The following BCAT1 variants were observed in gnomAD, a reference collection of about 807,000 sequenced individuals.
BCAT1 encodes the protein branched-chain-amino-acid aminotransferase, cytosolic.
In BCAT1, 48 loss-of-function variants were observed where a neutral mutation model predicts 52.4. The observed-to-expected ratio is 0.92, with a 90% confidence interval of 0.73 to 1.16. BCAT1 has a LOEUF of 1.16. BCAT1 is among the 50% of genes most tolerant of loss of function. BCAT1 has a pLI of 0.00. For synonymous variants in BCAT1, 167 were observed against 161.3 expected, an observed-to-expected ratio of 1.04 and a Z score of -0.27; for missense variants, 451 against 457.1, an observed-to-expected ratio of 0.99 and a Z score of 0.12.
At chr12:24,841,715 C>T (rs1941178998) in intron 7 of BCAT1, among the ~76,000 whole-genome samples, 1 of 151,938 alleles carries the variant, frequency 6.6e-6, no homozygotes, top group Non-Finnish European at 1.5e-5. Flanking sequence ...CCAGCCTGAC[C>T]AACATGGTGA....
At chr12:24,863,557 G>A (rs1026389435) in intron 5 of BCAT1, among the ~76,000 whole-genome samples, 3 of 152,212 alleles carry the variant, frequency 2.0e-5, no homozygotes, top group Non-Finnish European at 2.9e-5. Flanking sequence ...ATGGATTTTA[G>A]AATGAATTAT....
At chr12:24,855,774 T>G (rs968330499) in intron 5 of BCAT1, among the ~76,000 whole-genome samples, 1 of 151,896 alleles carries the variant, frequency 6.6e-6, no homozygotes, top group Non-Finnish European at 1.5e-5. Flanking sequence ...CCATCTTTAT[T>G]TTTTTTCTTT....
chr12:24,902,177 C>T, intron 1 of BCAT1: 1 of 1,431,064 alleles, frequency 7.0e-7, no homozygotes. Flanking sequence ...CAGGGTTCGC[C>T]GGCAAAGAAC....
chr12:24,826,754 C>A (rs984136235), intron 10 of BCAT1, among the ~76,000 whole-genome samples: 1 of 152,132 alleles, frequency 6.6e-6, no homozygotes, highest in African/African-American at 2.4e-5. Context: ...AAAATTAATT[C>A]TTCCAATCCA....
At chr12:24,886,935 T>C (rs901423234) in intron 3 of BCAT1, among the ~76,000 whole-genome samples, 1 of 149,394 alleles carries the variant, frequency 6.7e-6, no homozygotes, top group African/African-American at 2.5e-5. Flanking sequence ...TAGTGGCACG[T>C]GCCTGTAATC....
intron 1 of BCAT1, among the ~76,000 whole-genome samples, chr12:24,934,911 G>A (rs1180353268): frequency 6.6e-6 from 1 of 152,182 alleles, no homozygotes; most frequent in Non-Finnish European, 1.5e-5. Flanking sequence ...GATACCAGCT[G>A]CTCTGGTTCT....
chr12:24,851,090 GT>G (rs1941497733), intron 5 of BCAT1, among the ~76,000 whole-genome samples: 2 of 152,080 alleles, frequency 1.3e-5, no homozygotes, highest in South Asian at 2.1e-4. Context: ...GAGACCCAAC[GT>G]TTTGAAGGCT....
chr12:24,898,520 C>CAACACTTTTTTTTTT (rs1943012294), intron 2 of BCAT1, among the ~76,000 whole-genome samples: 1 of 38,536 alleles, frequency 2.6e-5, no homozygotes, highest in Non-Finnish European at 4.4e-5. Flanking sequence ...TCAGTCAACA[C>CAACACTTTTTTTTTT]TTTTTTTTTT....
chr12:24,844,274 C>T (rs1941265083), intron 6 of BCAT1, among the ~76,000 whole-genome samples: 1 of 151,450 alleles, frequency 6.6e-6, no homozygotes, highest in Admixed American at 6.6e-5. Flanking sequence ...CTAAAAATAA[C>T]AAAAAAATTA....
At chr12:24,907,662 C>T (rs974337640) in intron 1 of BCAT1, among the ~76,000 whole-genome samples, 2 of 152,202 alleles carry the variant, frequency 1.3e-5, no homozygotes, top group Non-Finnish European at 2.9e-5. Context: ...ATACACCCTC[C>T]CCACCCTTGA....
At chr12:24,903,250 G>T in intron 1 of BCAT1, 2 of 620,726 alleles carry the variant, frequency 3.2e-6, no homozygotes, top group Non-Finnish European at 4.6e-6. Flanking sequence ...CACCGGGGTC[G>T]CTTGCGGAGG....
chr12:24,901,677 T>G, intron 2 of BCAT1, 137 bp downstream of exon 2: 1 of 868,354 alleles, frequency 1.2e-6, no homozygotes, highest in East Asian at 2.7e-5. Flanking sequence ...CCTCTAAGAG[T>G]GGAATTTTAA....
intron 8 of BCAT1, chr12:24,834,286 C>G (rs1940827718): frequency 8.1e-6 from 8 of 985,162 alleles, no homozygotes; most frequent in Non-Finnish European, 9.6e-6. Context: ...AGTGACAATT[C>G]TCTTCCTTCT....
intron 5 of BCAT1, among the ~76,000 whole-genome samples, chr12:24,876,439 A>G (rs1197509427): frequency 6.6e-6 from 1 of 152,178 alleles, no homozygotes; most frequent in Non-Finnish European, 1.5e-5. Flanking sequence ...TTTAACATCC[A>G]AAAATAAATT....
At chr12:24,824,635 C>A (rs1940305892) in intron 10 of BCAT1, among the ~76,000 whole-genome samples, 1 of 152,036 alleles carries the variant, frequency 6.6e-6, no homozygotes, top group Non-Finnish European at 1.5e-5. Flanking sequence ...CAAGAGGTAA[C>A]CCTGAAATCT....
chr12:24,943,990 A>G (rs1489107843), intron 1 of BCAT1, among the ~76,000 whole-genome samples: 1 of 147,410 alleles, frequency 6.8e-6, no homozygotes, highest in East Asian at 2.1e-4. Context: ...TCTCAACAAA[A>G]GAAAAAAAAA....
At chr12:24,929,222 C>T (rs567847631) in intron 1 of BCAT1, among the ~76,000 whole-genome samples, 68 of 152,338 alleles carry the variant, frequency 4.5e-4, no homozygotes, top group African/African-American at 1.5e-3. Flanking sequence ...AAGTTCAGAA[C>T]GCTGACTTCC....
At chr12:24,854,060 A>T (rs533338715) in intron 5 of BCAT1, among the ~76,000 whole-genome samples, 14 of 152,368 alleles carry the variant, frequency 9.2e-5, no homozygotes, top group South Asian at 8.3e-4. Flanking sequence ...AAGGGTTTTT[A>T]AATACATGGA....
Position 24,836,899 on chromosome 12 carries a change from AAAG to A in BCAT1, c.818-306_818-304del, listed in dbSNP as rs1940966487. On this transcript the variant is annotated intron_variant, in intron 7 of 10. Transcript: ENST00000261192. The stretch of plus-strand genomic sequence containing the variant: ...AGAAAGAGAAAGAAAGAAAGAAAGA[AAAG>A]AAAGAGAGAAAGAAAGAAAGAAAGA... Among the ~76,000 whole-genome samples the A allele has an allele frequency of 6.7e-5, 3 of 45,000 alleles. 1 individual carries two copies. The allele number at this position is 45,000 out of a possible 152,430, so 29.5% of individuals were successfully genotyped here. A position where few individuals can be genotyped will look rare whatever the true frequency, so the allele number is the denominator to read the frequency against.
Sources: gnomAD v4.1 joint callset for allele counts (sites outside exome capture counted in the v4.1 genomes callset) on GRCh38, gnomAD v4.1.1 for gene constraint, MANE v1.5 for transcripts, NCBI Gene and HGNC (gene_info 2026-07-23, HGNC 2026-07-21) for gene names.